Variants in GPR158 observed in about 807,000 individuals in gnomAD.
GPR158 encodes the protein metabotropic glycine receptor.
Under a neutral mutation model 78.2 loss-of-function variants are expected in GPR158, and 30 were observed. The ratio of observed to expected loss-of-function variants is 0.38; its 90% CI spans 0.29 to 0.52. The LOEUF (loss-of-function observed/expected upper bound fraction) is 0.52, where lower values mean the gene tolerates loss of function less well. GPR158 is among the 20% of genes least tolerant of loss of function. GPR158 has a pLI of 0.83. For synonymous variants in GPR158, 581 were observed against 591.1 expected (o/e 0.98, Z 0.25); for missense variants, 1,463 against 1,523.5 (o/e 0.96, Z 0.66).
chr10:25,421,898 A>C (rs1416955968), intron 4 of GPR158, among the ~76,000 whole-genome samples: 2 of 152,114 alleles, frequency 1.3e-5, no homozygotes, highest in Non-Finnish European at 2.9e-5. Flanking sequence ...ATGTTTTTTG[A>C]TTCTCACCAC....
chr10:25,210,808 A>G (rs1451195218), intron 1 of GPR158, among the ~76,000 whole-genome samples: 2 of 152,016 alleles, frequency 1.3e-5, no homozygotes, highest in Non-Finnish European at 2.9e-5. Context: ...GTCATCTTTC[A>G]GTTAACTTTG....
chr10:25,268,433 A>G (rs536252122), intron 2 of GPR158, among the ~76,000 whole-genome samples: 2 of 152,248 alleles, frequency 1.3e-5, no homozygotes, highest in East Asian at 3.9e-4. Flanking sequence ...ATTCGATCAA[A>G]TTCATAAATG....
intron 1 of GPR158, among the ~76,000 whole-genome samples, chr10:25,188,438 T>C (rs964050155): frequency 1.3e-5 from 2 of 152,100 alleles, no homozygotes; most frequent in Non-Finnish European, 2.9e-5. Flanking sequence ...AACACAGATA[T>C]AGACCAATGG....
chr10:25,419,542 A>G (rs1834716883), intron 4 of GPR158, among the ~76,000 whole-genome samples: 1 of 152,192 alleles, frequency 6.6e-6, no homozygotes, highest in Non-Finnish European at 1.5e-5. Context: ...ATATAATTCT[A>G]TGTTTAGTGA....
Position 25,598,521 on chromosome 10 carries a change from G to A in GPR158, c.2895G>A (p.Glu965=). 2 of 1,613,284 alleles carry A rather than the reference G, an allele frequency of 1.2e-6. No homozygotes were observed. The highest frequency in any genetic ancestry group is 1.1e-5 in the South Asian group (1 of 91,026). ...CCCCCCAAAACTCAAATCCTGCGGA[G>A]GAGCCAAGAAAGCCTCAGAAATCTG... ...DPAPQNSNPA[E]EPRKPQKSGI... is the part of the protein sequence containing the mutation. The change falls in exon 11 of 11, where the codon GAG becomes GAA. Residue 965 remains glutamate, a synonymous_variant. Coordinates refer to ENST00000376351, the MANE Select transcript of GPR158 (RefSeq NM_020752.3).
intron 7 of GPR158, among the ~76,000 whole-genome samples, chr10:25,581,136 G>A (rs1462904836): frequency 6.6e-6 from 1 of 151,590 alleles, no homozygotes; most frequent in Non-Finnish European, 1.5e-5. Context: ...CACCTTGTTA[G>A]CCAGGATGGT....
chr10:25,596,802 C>T lies in GPR158; in HGVS notation c.2145+13C>T. On this transcript the variant is annotated intron_variant, in intron 10 of 10. Transcript: ENST00000376351. ...AGAGGACATTCGGGTAATGCCAGTA[C>T]TCTATCTTTCTTCCTATTTCAGATT... 6.2e-7 allele frequency: 1 copy of T among 1,607,726 alleles called. No individual in the cohort carries two copies. Among genetic ancestry groups the T allele is most frequent in the Non-Finnish European group, 8.5e-7 (1 of 1,175,728 alleles).
In GPR158 at chr10:25,480,043, C is replaced by A. The variant is rs1040759397; in HGVS notation, c.1404+13324C>A. 3.9e-5 allele frequency among the ~76,000 whole-genome samples: 6 copies of A among 152,014 alleles called. No homozygotes were observed. The East Asian group carries it at 1.2e-3, about 29-fold the overall frequency. ...TATTTTCATTTTTCTCCTCTACATC[C>A]CTGCTTTCTTGGAGCCATTTTATCT... On this transcript the variant is annotated intron_variant, in intron 5 of 10. Coordinates refer to ENST00000376351, the MANE Select transcript of GPR158 (RefSeq NM_020752.3).
intron 4 of GPR158, among the ~76,000 whole-genome samples, chr10:25,430,348 A>C (rs1029036358): frequency 1.3e-5 from 2 of 150,806 alleles, no homozygotes; most frequent in Non-Finnish European, 3.0e-5. Flanking sequence ...ACCACTGCTC[A>C]ATGAAATAAA....
At chr10:25,492,891 T>C (rs1182978041) in intron 5 of GPR158, among the ~76,000 whole-genome samples, 2 of 148,278 alleles carry the variant, frequency 1.3e-5, no homozygotes, top group African/African-American at 4.9e-5. Flanking sequence ...TATAAACAAA[T>C]ATTAATATAT....
intron 7 of GPR158, among the ~76,000 whole-genome samples, chr10:25,579,255 A>T (rs1837152874): frequency 6.6e-6 from 1 of 152,132 alleles, no homozygotes; most frequent in Non-Finnish European, 1.5e-5. Flanking sequence ...CATATTAAAA[A>T]GTCAAAACTT....
chr10:25,552,416 T>A (rs546595150), intron 6 of GPR158, among the ~76,000 whole-genome samples: 2 of 152,292 alleles, frequency 1.3e-5, no homozygotes, highest in African/African-American at 4.8e-5. Context: ...ATGTGGACAA[T>A]AAGCCTTCTA....
chr10:25,361,559 C>T lies in GPR158; in HGVS notation c.1009-34352C>T, dbSNP rs145873179. On this transcript the variant is annotated intron_variant, in intron 2 of 10. Transcript: ENST00000376351. Reference sequence around the variant, plus strand: ...CCATTTAAAATTCCTACCAACAATGCACAAGGGTACCAATTTTTCCACATT... The same window carrying T: ...CCATTTAAAATTCCTACCAACAATGTACAAGGGTACCAATTTTTCCACATT... 4.3e-3 allele frequency among the ~76,000 whole-genome samples: 659 copies of T among 152,040 alleles called. 4 individuals are homozygous for T. Among genetic ancestry groups the T allele is most frequent in the Non-Finnish European group, 7.0e-3 (477 of 67,906 alleles).
At chr10:25,399,771 T>C (rs1242203798) in intron 3 of GPR158, among the ~76,000 whole-genome samples, 2 of 152,242 alleles carry the variant, frequency 1.3e-5, no homozygotes, top group Non-Finnish European at 2.9e-5. Context: ...AATATTTTTT[T>C]AATTTGAGGC....
chr10:25,470,453 C>T (rs1320556178), intron 5 of GPR158, among the ~76,000 whole-genome samples: 1 of 152,024 alleles, frequency 6.6e-6, no homozygotes, highest in Non-Finnish European at 1.5e-5. Flanking sequence ...TTTGATCTTG[C>T]ATTTTTCAGC....
chr10:25,478,198 G>T (rs187788268), intron 5 of GPR158, among the ~76,000 whole-genome samples: 1 of 152,096 alleles, frequency 6.6e-6, no homozygotes, highest in Non-Finnish European at 1.5e-5. Flanking sequence ...AACTTAGAGA[G>T]CCTTAAAAAA....
intron 3 of GPR158, among the ~76,000 whole-genome samples, chr10:25,398,979 G>T (rs1284606088): frequency 6.6e-6 from 1 of 152,186 alleles, no homozygotes; most frequent in Admixed American, 6.5e-5. Flanking sequence ...TGAGCAGTGG[G>T]TGAGTGTATT....
intron 5 of GPR158, among the ~76,000 whole-genome samples, chr10:25,540,947 T>A (rs9663601): frequency 0.15 from 254 of 1,736 alleles, 2 homozygotes; most frequent in African/African-American, 0.28. Flanking sequence ...ATAATAAAAA[T>A]ATATATATAT....
intron 4 of GPR158, among the ~76,000 whole-genome samples, chr10:25,413,157 C>CA (rs5783930): frequency 0.14 from 21,239 of 150,496 alleles, 2,082 homozygotes; most frequent in African/African-American, 0.28. Context: ...CCTGTCTCTA[C>CA]AAAAAAAAAC....
Sources: allele counts gnomAD v4.1 joint callset (sites outside exome capture counted in the v4.1 genomes callset), GRCh38; gene constraint gnomAD v4.1.1; transcripts MANE v1.5; gene names NCBI Gene and HGNC (gene_info 2026-07-23, HGNC 2026-07-21).